The following RALGAPB variants were observed in gnomAD, a reference collection of about 807,000 sequenced individuals.
RALGAPB encodes the protein ral GTPase-activating protein subunit beta.
A neutral mutation model predicts 161.1 loss-of-function variants in RALGAPB; 25 were observed. That is an observed-to-expected ratio of 0.16 (90% CI 0.11 to 0.22). The LOEUF (loss-of-function observed/expected upper bound fraction) is 0.22. Among genes scored for constraint, RALGAPB ranks in the 10% least tolerant of loss-of-function variants. The pLI is 1.00. For synonymous variants in RALGAPB, 629 were observed against 626.1 expected, an observed-to-expected ratio of 1.00 and a Z score of -0.07; for missense variants, 1,391 against 1,815.2, an observed-to-expected ratio of 0.77 and a Z score of 4.25.
At position 38,546,131 on chromosome 20, in the gene RALGAPB, C is replaced by T. The variant is rs1316136213; in HGVS notation, c.2715-112C>T. On this transcript the variant is annotated intron_variant, in intron 18 of 29. Coordinates refer to ENST00000262879, the MANE Select transcript of RALGAPB (RefSeq NM_020336.4). ...GGAGTAAATCTGACCTGTCAAGAAG[C>T]ATGGCTGTGGTCAATTAAAATTCAG... 29 of 1,547,136 alleles carry T rather than the reference C, an allele frequency of 1.9e-5. No homozygotes were observed. The Admixed American group carries it at 4.3e-4, about 23-fold the overall frequency.
intron 14 of RALGAPB, 63 bp downstream of exon 14, chr20:38,531,294 C>A: frequency 1.5e-6 from 2 of 1,341,714 alleles, no homozygotes; most frequent in South Asian, 1.2e-5. Flanking sequence ...AAATTATATT[C>A]CAGAATGTCC....
chr20:38,534,295 C>A (rs2086741356), intron 15 of RALGAPB: 1 of 152,506 alleles, frequency 6.6e-6, no homozygotes. Context: ...ATATTTTTTA[C>A]TAAGAAATCC....
At chr20:38,510,878 C>A (rs2085923136) in intron 6 of RALGAPB, among the ~76,000 whole-genome samples, 1 of 119,580 alleles carries the variant, frequency 8.4e-6, no homozygotes, top group Admixed American at 7.4e-5. Context: ...CCACTGCACT[C>A]CAGCCTGGGC....
intron 20 of RALGAPB, among the ~76,000 whole-genome samples, chr20:38,550,311 T>TA (rs975024925): frequency 2.0e-5 from 3 of 152,106 alleles, no homozygotes; most frequent in Admixed American, 6.5e-5. Context: ...AAAATGTGAT[T>TA]AAAAAAAATT....
chr20:38,516,105 C>G, intron 6 of RALGAPB, 87 bp from the exon 7 acceptor site: 1 of 1,012,722 alleles, frequency 9.9e-7, no homozygotes. Context: ...GAAATAGGCA[C>G]AGTCCTATTC....
intron 5 of RALGAPB, among the ~76,000 whole-genome samples, chr20:38,508,698 A>G (rs1236743979): frequency 2.0e-5 from 3 of 152,224 alleles, no homozygotes; most frequent in South Asian, 4.1e-4. Context: ...AAATATATAC[A>G]ACAGCATATA....
In RALGAPB at chr20:38,569,882, A is replaced by G; in HGVS notation, c.3955-6A>G. The stretch of plus-strand genomic sequence containing the variant: ...CCCGCTCTCTGTCTTCTTCTTCTTC[A>G]TGTAGCTCAGTCCCAGTTCCAGAAT... On this transcript the variant is annotated splice_polypyrimidine_tract_variant and splice_region_variant and intron_variant, in intron 26 of 29. Transcript: ENST00000262879. 2.5e-6 allele frequency: 4 copies of G among 1,609,390 alleles called. No individual in the cohort carries two copies. Among genetic ancestry groups the G allele is most frequent in the Non-Finnish European group, 3.4e-6 (4 of 1,176,256 alleles).
At chr20:38,540,036 T>C in intron 17 of RALGAPB, 78 bp downstream of exon 17, 1 of 1,281,906 alleles carries the variant, frequency 7.8e-7, no homozygotes, top group Non-Finnish European at 1.1e-6. Context: ...AGAGAATATC[T>C]AAATTTAAAT....
chr20:38,530,282 A>G (rs549746921), intron 13 of RALGAPB, among the ~76,000 whole-genome samples: 2 of 152,360 alleles, frequency 1.3e-5, no homozygotes, highest in East Asian at 3.9e-4. Context: ...TGATTACAGT[A>G]GTGCAGTATG....
intron 15 of RALGAPB, 27 bp downstream of exon 15, chr20:38,532,886 A>G (rs537054362): frequency 7.5e-6 from 12 of 1,603,394 alleles, no homozygotes; most frequent in Non-Finnish European, 9.4e-6. Context: ...TTGAAATTCA[A>G]AGTTTAATAG....
intron 12 of RALGAPB, 116 bp from the exon 13 acceptor site, chr20:38,525,779 A>G (rs934045101): frequency 2.8e-6 from 3 of 1,073,946 alleles, no homozygotes; most frequent in Non-Finnish European, 4.0e-6. Context: ...CACAGTGGCT[A>G]ATATTAGACT....
intron 26 of RALGAPB, 73 bp downstream of exon 26, chr20:38,567,305 A>C: frequency 6.5e-7 from 1 of 1,547,144 alleles, no homozygotes; most frequent in South Asian, 1.2e-5. Flanking sequence ...CTGCCTGAAA[A>C]GCTTTTAACC....
chr20:38,535,553 C>T (rs2145360074), intron 16 of RALGAPB, among the ~76,000 whole-genome samples: 1 of 151,502 alleles, frequency 6.6e-6, no homozygotes, highest in Non-Finnish European at 1.5e-5. Flanking sequence ...TGTGGCTCTG[C>T]CATCCTCCAT....
chr20:38,572,595 T>G (rs191355405), intron 28 of RALGAPB, among the ~76,000 whole-genome samples: 1 of 152,362 alleles, frequency 6.6e-6, no homozygotes, highest in African/African-American at 2.4e-5. Context: ...ATTCTAATAT[T>G]GTTAGGTGAT....
chr20:38,528,044 G>A (rs1400830513), intron 13 of RALGAPB, among the ~76,000 whole-genome samples: 2 of 152,164 alleles, frequency 1.3e-5, no homozygotes, highest in African/African-American at 4.8e-5. Flanking sequence ...ACAAGCCCCA[G>A]ACTGTGTGGC....
intron 2 of RALGAPB, among the ~76,000 whole-genome samples, chr20:38,488,997 C>T (rs2085200214): frequency 6.6e-6 from 1 of 152,140 alleles, no homozygotes; most frequent in African/African-American, 2.4e-5. Context: ...AGGCCTCATC[C>T]CTACCTCTGG....
intron 16 of RALGAPB, among the ~76,000 whole-genome samples, chr20:38,536,182 TG>T (rs1330693303): frequency 6.7e-4 from 102 of 152,344 alleles, no homozygotes; most frequent in Admixed American, 4.5e-3. Context: ...TTCATCTCAA[TG>T]GGTCTACCTA....
At chr20:38,483,543 C>T (rs910283903) in intron 1 of RALGAPB, among the ~76,000 whole-genome samples, 7 of 152,072 alleles carry the variant, frequency 4.6e-5, no homozygotes, top group African/African-American at 7.2e-5. Context: ...GTCAAATTAC[C>T]GGGTCAAGGC....
chr20:38,534,138 CAAAA>C (rs1293283790), intron 15 of RALGAPB, among the ~76,000 whole-genome samples: 1 of 46,974 alleles, frequency 2.1e-5, no homozygotes, highest in South Asian at 6.7e-4. Context: ...GACTCCATCT[CAAAA>C]AAAAAAAAAA....
Sources: gnomAD v4.1 joint callset for allele counts (sites outside exome capture counted in the v4.1 genomes callset) on GRCh38, gnomAD v4.1.1 for gene constraint, MANE v1.5 for transcripts, NCBI Gene and HGNC (gene_info 2026-07-23, HGNC 2026-07-21) for gene names.